Variants in SSH2 observed in about 807,000 individuals in gnomAD.
SSH2 encodes slingshot protein phosphatase 2, also known as protein phosphatase Slingshot homolog 2.
SSH2 carries 37 observed loss-of-function variants against 135.2 expected under a neutral mutation model. The ratio of observed to expected loss-of-function variants is 0.27; its 90% CI spans 0.21 to 0.36. SSH2 has a LOEUF of 0.36. Among genes scored for constraint, SSH2 ranks in the 10% least tolerant of loss-of-function variants. SSH2 has a pLI of 1.00. For missense variants in SSH2, 1,408 were observed against 1,765.3 expected (o/e 0.80, Z 3.63); for synonymous variants, 628 against 646.2 (o/e 0.97, Z 0.43).
intron 3 of SSH2, among the ~76,000 whole-genome samples, chr17:29,724,391 G>A (rs571903757): frequency 6.6e-6 from 1 of 151,962 alleles, no homozygotes; most frequent in East Asian, 2.0e-4. Context: ...AGCCGGGCGT[G>A]GTGGCACATG....
At chr17:29,848,043 T>A (rs2043164258) in intron 2 of SSH2, among the ~76,000 whole-genome samples, 1 of 152,220 alleles carries the variant, frequency 6.6e-6, no homozygotes, top group South Asian at 2.1e-4. Context: ...GATTGCTGTC[T>A]AACACCACAG....
At chr17:29,927,713 G>T (rs185058756) in intron 1 of SSH2, among the ~76,000 whole-genome samples, 1 of 152,302 alleles carries the variant, frequency 6.6e-6, no homozygotes, top group East Asian at 1.9e-4. Flanking sequence ...TCTGGATGAA[G>T]TCCAATAGGA....
intron 1 of SSH2, among the ~76,000 whole-genome samples, chr17:29,890,969 T>G (rs756406488): frequency 1.3e-5 from 2 of 152,044 alleles, no homozygotes; most frequent in Admixed American, 6.6e-5. Context: ...TTGGCCAGGA[T>G]GGTCTTGATC....
chr17:29,718,201 CTA>C (rs2039692416), intron 3 of SSH2, among the ~76,000 whole-genome samples: 1 of 152,176 alleles, frequency 6.6e-6, no homozygotes, highest in African/African-American at 2.4e-5. Context: ...ATTATTCCTT[CTA>C]TGTTTCTGAC....
intron 3 of SSH2, among the ~76,000 whole-genome samples, chr17:29,756,482 C>G (rs965397415): frequency 7.1e-6 from 1 of 140,696 alleles, no homozygotes; most frequent in Non-Finnish European, 1.5e-5. Flanking sequence ...ACCCACCCAC[C>G]CACCCATCCA....
rs2038125147 is a variant in SSH2, at chr17:29,684,487, A to ATT, written c.479+75_479+76insAA. On this transcript the variant is annotated intron_variant, in intron 6 of 15. Coordinates refer to ENST00000540801, the MANE Select transcript of SSH2 (RefSeq NM_001282129.2). ...GTGATGACACTCCGTCCCCATTAAA[A>ATT]AAAAAAAAAAAAAAAAGCAACTGGA... is the stretch of plus-strand genomic sequence containing the variant. 3.5e-6 allele frequency: 3 copies of ATT among 850,002 alleles called. 1 individual carries two copies. The highest frequency in any genetic ancestry group is 7.2e-5 in the Admixed American group (2 of 27,814). 52.7% of individuals were successfully genotyped at this position (850,002 alleles called of 1,614,324 possible).
intron 3 of SSH2, among the ~76,000 whole-genome samples, chr17:29,741,967 C>T (rs1276022027): frequency 8.7e-6 from 1 of 114,446 alleles, no homozygotes; most frequent in African/African-American, 3.4e-5. Context: ...TGGAGTCTTG[C>T]TCTGTTGACC....
intron 3 of SSH2, among the ~76,000 whole-genome samples, chr17:29,771,399 C>T (rs2041583315): frequency 6.6e-6 from 1 of 152,208 alleles, no homozygotes; most frequent in Non-Finnish European, 1.5e-5. Context: ...CTTTGCACTA[C>T]ATCACTTTAT....
At chr17:29,699,561 T>C (rs1193395231) in intron 4 of SSH2, among the ~76,000 whole-genome samples, 3 of 152,176 alleles carry the variant, frequency 2.0e-5, no homozygotes, top group African/African-American at 7.2e-5. Flanking sequence ...TGAGGAAAGC[T>C]AAGTGAACAA....
chr17:29,855,411 C>T (rs533757396), intron 1 of SSH2, among the ~76,000 whole-genome samples: 2 of 151,854 alleles, frequency 1.3e-5, no homozygotes, highest in South Asian at 2.1e-4. Context: ...GGGCTGAGGT[C>T]GGAGGATCGC....
chr17:29,759,958 C>G (rs577293141), intron 3 of SSH2, among the ~76,000 whole-genome samples: 4 of 152,244 alleles, frequency 2.6e-5, no homozygotes, highest in African/African-American at 9.6e-5. Flanking sequence ...ACGGAAAATG[C>G]AAGTCAGTTT....
chr17:29,918,877 C>T (rs543931887), intron 1 of SSH2, among the ~76,000 whole-genome samples: 2 of 152,122 alleles, frequency 1.3e-5, no homozygotes, highest in South Asian at 2.1e-4. Context: ...GCGGAGGTTG[C>T]AGTGAGCCAA....
chr17:29,909,469 C>A (rs2066725737), intron 1 of SSH2, among the ~76,000 whole-genome samples: 1 of 151,822 alleles, frequency 6.6e-6, no homozygotes, highest in African/African-American at 2.4e-5. Context: ...TCTCAAGGGG[C>A]AGTAAAAGAA....
intron 3 of SSH2, among the ~76,000 whole-genome samples, chr17:29,717,400 TGAG>T (rs2039662096): frequency 6.6e-6 from 1 of 152,182 alleles, no homozygotes; most frequent in Non-Finnish European, 1.5e-5. Context: ...CCTCCCAAGG[TGAG>T]GAGATTATAG....
chr17:29,853,705 C>A (rs990018937), intron 1 of SSH2, among the ~76,000 whole-genome samples: 1 of 151,868 alleles, frequency 6.6e-6, no homozygotes. Context: ...TCCTTAATTT[C>A]TTTGAGCTCA....
intron 3 of SSH2, chr17:29,761,420 T>C: frequency 1.9e-6 from 2 of 1,046,386 alleles, no homozygotes; most frequent in Non-Finnish European, 2.3e-6. Context: ...GGCTCGGCGG[T>C]AGAGTCCGGA....
intron 3 of SSH2, among the ~76,000 whole-genome samples, chr17:29,718,968 T>C (rs1160910594): frequency 2.0e-5 from 3 of 152,108 alleles, no homozygotes; most frequent in Non-Finnish European, 4.4e-5. Flanking sequence ...CTTTGTGACT[T>C]AATTTTGGAG....
chr17:29,727,049 T>C (rs1845763810), intron 3 of SSH2, among the ~76,000 whole-genome samples: 1 of 152,236 alleles, frequency 6.6e-6, no homozygotes, highest in African/African-American at 2.4e-5. Flanking sequence ...TATCATTTCC[T>C]GCCAGGCATC....
chr17:29,861,411 C>G (rs2065761777), intron 1 of SSH2, among the ~76,000 whole-genome samples: 1 of 152,066 alleles, frequency 6.6e-6, no homozygotes. Context: ...GCATCCTGCC[C>G]CGATAATCCA....
Sources: allele counts gnomAD v4.1 joint callset (sites outside exome capture counted in the v4.1 genomes callset), GRCh38; gene constraint gnomAD v4.1.1; transcripts MANE v1.5; gene names NCBI Gene and HGNC (gene_info 2026-07-23, HGNC 2026-07-21).